The following SBNO2 variants were observed in gnomAD, a reference collection of about 807,000 sequenced individuals.
SBNO2 encodes the protein strawberry notch homolog 2.
A neutral mutation model predicts 146.3 loss-of-function variants in SBNO2; 89 were observed. The ratio of observed to expected loss-of-function variants is 0.61; its 90% confidence interval spans 0.51 to 0.73. The LOEUF (loss-of-function observed/expected upper bound fraction) is 0.73. Ranked by LOEUF, SBNO2 falls within the 30% of genes least tolerant of loss-of-function variation. SBNO2 has a pLI of 0.00. For missense variants in SBNO2, 2,092 were observed against 2,003.7 expected (o/e 1.04, Z -0.84); for synonymous variants, 1,147 against 892.6 (o/e 1.29, Z -5.08).
chr19:1,109,480 G>A lies in SBNO2; in HGVS notation c.3216+26C>T, dbSNP rs751170271. On this transcript the variant is annotated intron_variant, in intron 28 of 31. Coordinates refer to ENST00000361757, the MANE Select transcript of SBNO2 (RefSeq NM_014963.3). This position sits in a 1 kb window ranked among gnomAD's most constrained non-coding sequence, Gnocchi z 4.2. ...GTCCGCCCCCCGCGGGCCCTCCTCT[G>A]GGGGGGTAACCCCGCCCGACCCCAC... 4.4e-6 allele frequency: 7 copies of A among 1,577,758 alleles called. No homozygotes were observed. Among genetic ancestry groups the A allele is most frequent in the South Asian group, 1.2e-5 (1 of 86,424 alleles).
chr19:1,113,430 G>A (rs558963261), intron 19 of SBNO2, 105 bp downstream of exon 19: 11 of 1,036,588 alleles, frequency 1.1e-5, no homozygotes, highest in South Asian at 4.9e-5. Context: ...CCGCGGAGAC[G>A]CAGAGTGACC....
intron 23 of SBNO2, 60 bp downstream of exon 23, chr19:1,111,936 C>A: frequency 2.1e-6 from 3 of 1,397,020 alleles, no homozygotes; most frequent in South Asian, 1.3e-5. Flanking sequence ...GCTCTTAGAT[C>A]CGGCCCTCCC....
rs2079963212 is a variant in SBNO2, at chr19:1,126,128, G to A, written c.441+1476C>T. ...CCGGGCCGGGTTCTCGGCAGTGTGT[G>A]GGAGCCACCAGGCTAGTGATGCTAA... On this transcript the variant is annotated intron_variant, in intron 5 of 31. Coordinates refer to ENST00000361757, the MANE Select transcript of SBNO2 (RefSeq NM_014963.3). The surrounding 1 kb of genome is among the most constrained non-coding windows in gnomAD (Gnocchi z 4.4). Among the ~76,000 whole-genome samples the A allele has an allele frequency of 6.6e-6, 1 of 152,224 alleles. No homozygotes were observed. The highest frequency in any genetic ancestry group is 2.4e-5 in the African/African-American group (1 of 41,458).
Position 1,109,275 on chromosome 19 carries a change from G to T in SBNO2, c.3348+17C>A. The T allele has an allele frequency of 1.3e-6, 2 of 1,584,756 alleles. No individual in the cohort carries two copies. Among genetic ancestry groups the T allele is most frequent in the Non-Finnish European group, 1.7e-6 (2 of 1,166,368 alleles). On this transcript the variant is annotated intron_variant, in intron 29 of 31. Coordinates refer to ENST00000361757, the MANE Select transcript of SBNO2 (RefSeq NM_014963.3). The surrounding 1 kb of genome is among the most constrained non-coding windows in gnomAD (Gnocchi z 4.2). ...GGCCGGCAACCCGAGCGAAAGCTGCGCCCGGCGGCCGCCTACCCGGTGGAA... is the reference window on the plus strand; with the variant it reads ...GGCCGGCAACCCGAGCGAAAGCTGCTCCCGGCGGCCGCCTACCCGGTGGAA...
chr19:1,170,541 T>C (rs2080467482), intron 1 of SBNO2, among the ~76,000 whole-genome samples: 1 of 152,130 alleles, frequency 6.6e-6, no homozygotes, highest in African/African-American at 2.4e-5. Context: ...GCCCTCCCCG[T>C]GTGCTGTCTG....
rs2080090279 is a variant in SBNO2, at chr19:1,137,000, G to C, written c.280-9235C>G. ...GGCAGCACCTGGGGAATGGGGATGGGCTGTGGGTGCCGAGAGCCCCAGGAG... is the reference window on the plus strand; with the variant it reads ...GGCAGCACCTGGGGAATGGGGATGGCCTGTGGGTGCCGAGAGCCCCAGGAG... On this transcript the variant is annotated intron_variant, in intron 4 of 31. Transcript: ENST00000361757. This position sits in a 1 kb window ranked among gnomAD's most constrained non-coding sequence, Gnocchi z 4.2. 6.6e-6 allele frequency among the ~76,000 whole-genome samples: 1 copy of C among 151,352 alleles called. No individual in the cohort carries two copies. Among genetic ancestry groups the C allele is most frequent in the African/African-American group, 2.4e-5 (1 of 41,106 alleles).
chr19:1,143,257 C>T (rs1425259840), intron 4 of SBNO2, among the ~76,000 whole-genome samples: 1 of 152,150 alleles, frequency 6.6e-6, no homozygotes, highest in East Asian at 1.9e-4. Context: ...GCAGGAGAAT[C>T]GCTTGAGCCC....
In SBNO2 at chr19:1,113,700, G is replaced by T. The variant is rs1197703627; in HGVS notation, c.2082C>A (p.Pro694=). The part of the protein sequence containing the change: ...AVGLPSDDRG[P]LCLLQRDPHG... Reference sequence around the variant, plus strand: ...GCGGGTCTCTCTGCAGGAGGCACAGGGGTCCTAGGGAGGAGGTGGAGGGTC... The same window carrying T: ...GCGGGTCTCTCTGCAGGAGGCACAGTGGTCCTAGGGAGGAGGTGGAGGGTC... The change falls in exon 19 of 32, where the codon CCC becomes CCA. Residue 694 remains proline (P), a synonymous_variant. Transcript: ENST00000361757. 3 of 1,552,026 alleles carry T rather than the reference G, an allele frequency of 1.9e-6. No individual in the cohort carries two copies. Among genetic ancestry groups the T allele is most frequent in the Admixed American group, 4.0e-5 (2 of 49,958 alleles).
At chr19:1,128,574 G>C (rs1302475889) in intron 4 of SBNO2, among the ~76,000 whole-genome samples, 2 of 151,572 alleles carry the variant, frequency 1.3e-5, no homozygotes, top group African/African-American at 4.8e-5. Context: ...TGTATTTTTA[G>C]TAGAGACGGG....
At chr19:1,163,220 G>C (rs1006875167) in intron 1 of SBNO2, among the ~76,000 whole-genome samples, 29 of 152,208 alleles carry the variant, frequency 1.9e-4, no homozygotes, top group African/African-American at 6.5e-4. Flanking sequence ...GGGGTGGTCT[G>C]TGTCCCTGTT....
At position 1,119,475 on chromosome 19, in the gene SBNO2, A is replaced by AC. The variant is rs750734776; in HGVS notation, c.1373+40dup. On this transcript the variant is annotated intron_variant, in intron 13 of 31. Coordinates refer to ENST00000361757, the MANE Select transcript of SBNO2 (RefSeq NM_014963.3). ...CTGATGGGCCTGAGGCCTCCTCCCC[A>AC]CCCCCCGCCGCCCCTCCACGTGGGT... 4 of 977,840 alleles carry AC rather than the reference A, an allele frequency of 4.1e-6. No homozygotes were observed. The South Asian group carries it at 4.1e-5, about 10-fold the overall frequency. 60.6% of individuals were successfully genotyped at this position (977,840 alleles called of 1,614,324 possible).
intron 16 of SBNO2, 76 bp downstream of exon 16, chr19:1,116,753 A>G: frequency 7.6e-7 from 1 of 1,310,864 alleles, no homozygotes; most frequent in Admixed American, 2.2e-5. Context: ...GGGCAGGGTC[A>G]GGCCACAGGT....
In SBNO2 at chr19:1,119,086, G is replaced by C. The variant is rs185915763; in HGVS notation, c.1452C>G (p.Ser484=). ...GMYIARQLSF[S]GVTFRIEEIP... is the part of the protein sequence containing the mutation. ...TCTCCTCGATGCGGAAGGTGACGCC[G>C]GAGAAGCTGAGCTGGCGTGCGATGT... Residue 484 remains serine, a synonymous_variant, in exon 14 of 32, where the codon TCC becomes TCG. Transcript: ENST00000361757. 5.6e-6 allele frequency: 9 copies of C among 1,605,514 alleles called. No individual in the cohort carries two copies. Among genetic ancestry groups the C allele is most frequent in the African/African-American group, 4.0e-5 (3 of 74,830 alleles).
In SBNO2 at chr19:1,112,792, G is replaced by T. The variant is rs373547919; in HGVS notation, c.2379+26C>A. 2.6e-6 allele frequency: 4 copies of T among 1,547,732 alleles called. No individual in the cohort carries two copies. The highest frequency in any genetic ancestry group is 2.6e-6 in the Non-Finnish European group (3 of 1,147,370). ...CTGTGCCTCTTGGGTCCCGTGGGCC[G>T]CGCCCAGTGCACTGCAGCCCCGCAC... is the stretch of plus-strand genomic sequence containing the variant. On this transcript the variant is annotated intron_variant, in intron 20 of 31. Transcript: ENST00000361757. This position sits in a 1 kb window ranked among gnomAD's most constrained non-coding sequence, Gnocchi z 5.9.
Position 1,109,123 on chromosome 19 carries a change from G to T in SBNO2, c.3425+12C>A. On this transcript the variant is annotated intron_variant, in intron 30 of 31. Coordinates refer to ENST00000361757, the MANE Select transcript of SBNO2 (RefSeq NM_014963.3). This position sits in a 1 kb window ranked among gnomAD's most constrained non-coding sequence, Gnocchi z 4.2. ...TCTGCCGGTTTCCCCCTGGTCCCCG[G>T]CCCGCCCTCACCAGGCGCTGTGGCT... 1 of 1,549,792 alleles carries T rather than the reference G, an allele frequency of 6.5e-7. No individual in the cohort carries two copies. Among genetic ancestry groups the T allele is most frequent in the Non-Finnish European group, 8.7e-7 (1 of 1,147,088 alleles).
intron 4 of SBNO2, among the ~76,000 whole-genome samples, chr19:1,129,310 G>T (rs188563102): frequency 6.6e-6 from 1 of 152,194 alleles, no homozygotes; most frequent in Admixed American, 6.5e-5. Context: ...TCAAGGGGGC[G>T]CTGTCTCTCC....
At chr19:1,128,122 G>C (rs1167640232) in intron 4 of SBNO2, 9 of 505,608 alleles carry the variant, frequency 1.8e-5, no homozygotes, top group Non-Finnish European at 1.9e-5. Flanking sequence ...CAGAGCGAGA[G>C]AGTGAGACTC....
intron 4 of SBNO2, among the ~76,000 whole-genome samples, chr19:1,132,925 G>A (rs140298496): frequency 6.6e-6 from 1 of 152,350 alleles, no homozygotes; most frequent in East Asian, 1.9e-4. Context: ...TCTCGCTTTG[G>A]TAGAAAACCA....
chr19:1,157,359 GGCCCCGGAGACCCTCTGCCACGCA>G lies in SBNO2; in HGVS notation c.-126-2981_-126-2958del, dbSNP rs1392317998. Among the ~76,000 whole-genome samples the G allele has an allele frequency of 1.8e-4, 26 of 144,256 alleles. No individual in the cohort carries two copies. Among genetic ancestry groups the G allele is most frequent in the Admixed American group, 4.9e-4 (7 of 14,422 alleles). The allele number at this position is 144,256 out of a possible 152,430, so 94.6% of individuals were successfully genotyped here. A position where few individuals can be genotyped will look rare whatever the true frequency, so the allele number is the denominator to read the frequency against. ...AGCCCCGGAGACGCTCTCCCCACGC[GGCCCCGGAGACCCTCTGCCACGCA>G]GCCCCGGAGACGCTCTCCCCACGCG... is the stretch of plus-strand genomic sequence containing the variant. On this transcript the variant is annotated intron_variant, in intron 1 of 31. Coordinates refer to ENST00000361757, the MANE Select transcript of SBNO2 (RefSeq NM_014963.3). The surrounding 1 kb of genome is among the most constrained non-coding windows in gnomAD (Gnocchi z 6.8).
Sources: allele counts gnomAD v4.1 joint callset (sites outside exome capture counted in the v4.1 genomes callset), GRCh38; gene constraint gnomAD v4.1.1; non-coding constraint Gnocchi (gnomAD v3.1); transcripts MANE v1.5; gene names NCBI Gene and HGNC (gene_info 2026-07-23, HGNC 2026-07-21).